The following TUBGCP5 variants were observed in gnomAD, a reference collection of about 807,000 sequenced individuals.
TUBGCP5 encodes tubulin gamma complex component 5.
A neutral mutation model predicts 134.7 loss-of-function variants in TUBGCP5; 98 were observed. That is an observed-to-expected ratio of 0.73 (90% CI 0.62 to 0.86). The LOEUF (loss-of-function observed/expected upper bound fraction) is 0.86, where lower values mean the gene tolerates loss of function less well. Among genes scored for constraint, TUBGCP5 ranks in the 40% least tolerant of loss-of-function variants. The pLI is 0.00. For synonymous variants in TUBGCP5, 456 were observed against 431.4 expected (o/e 1.06, Z -0.71); for missense variants, 1,150 against 1,244.8 (o/e 0.92, Z 1.15).
At chr15:23,002,884 C>CT (rs11377608) in intron 21 of TUBGCP5, among the ~76,000 whole-genome samples, 181 bp downstream of exon 21, 6,870 of 145,348 alleles carry the variant, frequency 0.047, 360 homozygotes, top group African/African-American at 0.13. Context: ...AATACTTGCA[C>CT]TTTTTTTTTT....
chr15:23,022,359 A>T (rs955966664), intron 10 of TUBGCP5, among the ~76,000 whole-genome samples, 198 bp from the exon 11 acceptor site: 7 of 152,220 alleles, frequency 4.6e-5, no homozygotes, highest in Non-Finnish European at 1.0e-4. Context: ...ACAACTCAGC[A>T]GAAAAATAAT....
intron 10 of TUBGCP5, among the ~76,000 whole-genome samples, chr15:23,022,724 G>A (rs983315460): frequency 6.6e-6 from 1 of 152,224 alleles, no homozygotes; most frequent in Admixed American, 6.5e-5. Flanking sequence ...TGGCTAATGT[G>A]CTGTGTCAAT....
intron 8 of TUBGCP5, 143 bp from the exon 9 acceptor site, chr15:23,024,973 C>G (rs2065908979): frequency 3.5e-6 from 2 of 577,884 alleles, no homozygotes. Context: ...ATGATCACAG[C>G]TCACTGGAGC....
chr15:23,010,988 C>CA (rs371870854), intron 14 of TUBGCP5, 145 bp downstream of exon 14: 28,771 of 605,088 alleles, frequency 0.048, 1 homozygote, highest in East Asian at 0.055. Context: ...CTCAAACAAA[C>CA]AAAAAAAAAA....
At chr15:23,016,100 C>G (rs923021892) in intron 13 of TUBGCP5, among the ~76,000 whole-genome samples, 3 of 152,120 alleles carry the variant, frequency 2.0e-5, no homozygotes, top group Non-Finnish European at 2.9e-5. Flanking sequence ...AGATACAAGA[C>G]AGTACAAATA....
intron 9 of TUBGCP5, 118 bp downstream of exon 9, chr15:23,024,616 TGCA>T: frequency 1.7e-6 from 1 of 576,544 alleles, no homozygotes; most frequent in African/African-American, 2.0e-5. Flanking sequence ...AGCTTTTTTT[TGCA>T]TGTGAGGAAG....
In TUBGCP5 at chr15:23,023,930, T is replaced by C. The variant is rs1439419122; in HGVS notation, c.1168+17A>G. The C allele has an allele frequency of 6.2e-7, 1 of 1,611,950 alleles. No homozygotes were observed. ...GAGTTACGTGTAGTATGAGTAAAGA[T>C]GAAGAACATTTAATACCATTATTGA... On this transcript the variant is annotated intron_variant, in intron 10 of 22. Transcript: ENST00000615383.
At chr15:23,024,885 G>A (rs2065901849) in intron 8 of TUBGCP5, 55 bp from the exon 9 acceptor site, 2 of 1,081,490 alleles carry the variant, frequency 1.8e-6, no homozygotes, top group East Asian at 2.4e-5. Context: ...AAATATTCAT[G>A]ACAGTATGCC....
chr15:23,011,114 C>T lies in TUBGCP5; in HGVS notation c.1955+19G>A, dbSNP rs998855425. The T allele has an allele frequency of 1.2e-6, 2 of 1,611,514 alleles. No homozygotes were observed. The highest frequency in any genetic ancestry group is 1.7e-5 in the Admixed American group (1 of 59,816). ...ATGATGCCATTTCAATTACTGATAACCTTGCAGGTGTGTCTCACCTTGCAA... is the reference window on the plus strand; with the variant it reads ...ATGATGCCATTTCAATTACTGATAATCTTGCAGGTGTGTCTCACCTTGCAA... On this transcript the variant is annotated intron_variant, in intron 14 of 22. Coordinates refer to ENST00000615383, the MANE Select transcript of TUBGCP5 (RefSeq NM_052903.6).
chr15:23,005,832 C>T (rs1376564963), intron 18 of TUBGCP5: 3 of 671,284 alleles, frequency 4.5e-6, no homozygotes, highest in East Asian at 5.5e-5. Context: ...ATCAACTGTA[C>T]ATACAACTTC....
chr15:22,997,607 ATT>A (rs200532351), downstream of TUBGCP5, among the ~76,000 whole-genome samples: 1 of 150,466 alleles, frequency 6.6e-6, no homozygotes. Context: ...TAGCTTTCAT[ATT>A]TTTTTTCTTT....
At chr15:22,986,863 T>G (rs935794330) in intron 23 of TUBGCP5, among the ~76,000 whole-genome samples, 2 of 152,088 alleles carry the variant, frequency 1.3e-5, no homozygotes, top group Non-Finnish European at 2.9e-5. Context: ...CTTGGAAATA[T>G]TCTGCATCTT....
In TUBGCP5 at chr15:23,004,167, G is replaced by C; in HGVS notation, c.2773C>G (p.Gln925Glu). 2 of 1,613,254 alleles carry C rather than the reference G, an allele frequency of 1.2e-6. No individual in the cohort carries two copies. Among genetic ancestry groups the C allele is most frequent in the East Asian group, 2.2e-5 (1 of 44,830 alleles). The change falls in exon 20 of 23, where the codon CAA (glutamine) becomes GAA (glutamate). Residue 925 changes from glutamine to glutamate, a missense_variant. Physicochemically the swap from Gln to Glu is conservative, Grantham distance 29. Coordinates refer to ENST00000615383, the MANE Select transcript of TUBGCP5 (RefSeq NM_052903.6). The part of the protein sequence containing the change: ...HQVEEAKDLD[Q>E]LIKIHYRYLS... ...TACCTATAGTGAATTTTAATCAATT[G>C]ATCTAAATCCTTGGCTTCCTCGACT...
At chr15:22,997,625 A>AT (rs1192923279), downstream of TUBGCP5, among the ~76,000 whole-genome samples, 2 of 141,636 alleles carry the variant, frequency 1.4e-5, no homozygotes, top group East Asian at 2.2e-4. Flanking sequence ...TCTTTTTCTT[A>AT]TTTTTTTCTG....
rs1295466856 is a variant in TUBGCP5, at chr15:23,009,978, C to G, written c.2111G>C (p.Gly704Ala). 1 of 1,613,470 alleles carries G rather than the reference C, an allele frequency of 6.2e-7. No homozygotes were observed. The highest frequency in any genetic ancestry group is 8.5e-7 in the Non-Finnish European group (1 of 1,179,836). The part of the protein sequence containing the change: ...HIDKQYLDCC[G>A]NLMQTLKKDY... ...TTTTTTTAGAGTTTGCATGAGATTT[C>G]CACAGCAATCTAGATACTGCTTGTC... is the stretch of plus-strand genomic sequence containing the variant. Residue 704 changes from glycine (G) to alanine (A), a missense_variant, in exon 15 of 23, where the codon GGA (glycine) becomes GCA (alanine). Gly to Ala is a moderately conservative substitution (Grantham distance 60, BLOSUM62 0). Transcript: ENST00000615383.
chr15:23,024,074 C>T lies in TUBGCP5; in HGVS notation c.1041G>A (p.Gly347=), dbSNP rs1454865261. 6.2e-7 allele frequency: 1 copy of T among 1,614,152 alleles called. No homozygotes were observed. The highest frequency in any genetic ancestry group is 2.2e-5 in the East Asian group (1 of 44,876). ...HSSESMLPGS[G]SVPKKSTEAP... ...CTTCAGTTGACTTCTTAGGAACAGA[C>T]CCACTTCCAGGCAGCATGCTCTCAG... The change falls in exon 10 of 23, where the codon GGG becomes GGA. Residue 347 remains glycine, a synonymous_variant. Transcript: ENST00000615383.
intron 8 of TUBGCP5, 64 bp downstream of exon 8, chr15:23,026,051 TA>T: frequency 2.9e-6 from 4 of 1,364,478 alleles, no homozygotes; most frequent in Non-Finnish European, 4.0e-6. Context: ...TTTCCTTTAA[TA>T]AAAGTTTTTG....
intron 23 of TUBGCP5, among the ~76,000 whole-genome samples, chr15:22,988,702 C>G (rs909614367): frequency 6.7e-6 from 1 of 149,384 alleles, no homozygotes. Flanking sequence ...CGTGACTGCA[C>G]TCCAGCCTGG....
chr15:23,016,738 T>C (rs1181780415), intron 13 of TUBGCP5, among the ~76,000 whole-genome samples: 4 of 151,640 alleles, frequency 2.6e-5, no homozygotes, highest in Admixed American at 2.0e-4. Context: ...GGTGGGAACA[T>C]AAACTAGTAC....
Sources: gnomAD v4.1 joint callset for allele counts (sites outside exome capture counted in the v4.1 genomes callset) on GRCh38, gnomAD v4.1.1 for gene constraint, MANE v1.5 for transcripts, NCBI Gene and HGNC (gene_info 2026-07-23, HGNC 2026-07-21) for gene names.